ZFC3H1: variants seen among roughly 807,000 people sequenced by gnomAD.
ZFC3H1 encodes the protein zinc finger C3H1-type containing.
A neutral mutation model predicts 243.7 loss-of-function variants in ZFC3H1; 71 were observed. The ratio of observed to expected loss-of-function variants is 0.29; its 90% CI spans 0.24 to 0.36. ZFC3H1 has a LOEUF of 0.36. ZFC3H1 is among the 10% of genes least tolerant of loss of function. ZFC3H1 has a pLI of 1.00. For missense variants in ZFC3H1, 1,966 were observed against 2,317.1 expected (o/e 0.85, Z 3.11); for synonymous variants, 838 against 813.0 (o/e 1.03, Z -0.52).
At position 71,644,970 on chromosome 12, in the gene ZFC3H1, C is replaced by T. The variant is rs1880692229; in HGVS notation, c.1186G>A (p.Glu396Lys). The change falls in exon 4 of 35, where the codon GAA becomes AAA. Residue 396 changes from glutamate (E) to lysine (K), a missense_variant. Coordinates refer to ENST00000378743, the MANE Select transcript of ZFC3H1 (RefSeq NM_144982.5). ...GTCTTAGTCAACTTTTCTTTGCTTT[C>T]TTTCATCACCTGCTGTTCTTTTTGT... ...WQQKEQQVMK[E>K]SKEKLTKTKT... The T allele has an allele frequency of 6.2e-7, 1 of 1,613,334 alleles. No homozygotes were observed. The highest frequency in any genetic ancestry group is 1.1e-5 in the South Asian group (1 of 91,058).
At position 71,611,776 on chromosome 12, in the gene ZFC3H1, G is replaced by A; in HGVS notation, c.5729+10C>T. ...TAGCTATAAAAACATGTACATGATT[G>A]TTGCATTACATTTTCCAGGTGGCCA... On this transcript the variant is annotated intron_variant, in intron 32 of 34. Coordinates refer to ENST00000378743, the MANE Select transcript of ZFC3H1 (RefSeq NM_144982.5). The A allele has an allele frequency of 6.3e-7, 1 of 1,587,282 alleles. No homozygotes were observed. Among genetic ancestry groups the A allele is most frequent in the Non-Finnish European group, 8.6e-7 (1 of 1,160,406 alleles).
chr12:71,615,196 G>C lies in ZFC3H1; in HGVS notation c.5255+10C>G. ...TAGTATGCAATATCTCTCCACAGTG[G>C]ATGTCTCACCAGTAAATCAGCCACA... On this transcript the variant is annotated intron_variant, in intron 28 of 34. Transcript: ENST00000378743. 6.3e-7 allele frequency: 1 copy of C among 1,583,606 alleles called. No homozygotes were observed. The highest frequency in any genetic ancestry group is 8.7e-7 in the Non-Finnish European group (1 of 1,154,518).
At position 71,647,760 on chromosome 12, in the gene ZFC3H1, G is replaced by T; in HGVS notation, c.1069C>A (p.Leu357Met). ...AAGCAGTATCTTACCTTTTCAGACA[G>T]AATATCTGAGGTACTAATTCTTCTT... ...LTRRISTSDI[L>M]SEKKLGEDEE... Residue 357 changes from leucine to methionine, a missense_variant, in exon 3 of 35, where the codon CTG becomes ATG. By Grantham distance (15) the Leu-to-Met change is conservative. This residue lies in a region of ZFC3H1 where 484 missense variants were observed against 449.7 expected (regional missense o/e 1.08). Coordinates refer to ENST00000378743, the MANE Select transcript of ZFC3H1 (RefSeq NM_144982.5). The T allele has an allele frequency of 6.8e-7, 1 of 1,474,976 alleles. No homozygotes were observed. The highest frequency in any genetic ancestry group is 9.2e-7 in the Non-Finnish European group (1 of 1,083,106). The allele number at this position is 1,474,976 out of a possible 1,614,324, so 91.4% of individuals were successfully genotyped here.
At position 71,663,495 on chromosome 12, in the gene ZFC3H1, C is replaced by G. The variant is rs765142047; in HGVS notation, c.116G>C (p.Arg39Pro). 6.2e-7 allele frequency: 1 copy of G among 1,613,382 alleles called. No homozygotes were observed. Among genetic ancestry groups the G allele is most frequent in the South Asian group, 1.1e-5 (1 of 91,086 alleles). The change falls in exon 1 of 35, where the codon CGG becomes CCG. Residue 39 changes from arginine (R) to proline (P), a missense_variant. Transcript: ENST00000378743. The part of the protein sequence containing the change: ...DDDNNSQIRS[R>P]SSSSSSGGGL... ...GCCGCCGCTGCTGCTGCTGCTGCTC[C>G]GACTCCGTATCTGGCTGTTATTATC...
intron 24 of ZFC3H1, among the ~76,000 whole-genome samples, chr12:71,621,470 GTT>G (rs1880027288): frequency 6.6e-6 from 1 of 151,836 alleles, no homozygotes; most frequent in Admixed American, 6.6e-5. Context: ...TGCCCGACTA[GTT>G]TTTGTATTTT....
intron 2 of ZFC3H1, among the ~76,000 whole-genome samples, chr12:71,653,885 G>A (rs1469534691): frequency 1.1e-4 from 16 of 152,044 alleles, no homozygotes; most frequent in Non-Finnish European, 1.5e-5. Flanking sequence ...GCAATGGCAT[G>A]TACCATAGTC....
chr12:71,650,278 A>C (rs1880848321), intron 2 of ZFC3H1, among the ~76,000 whole-genome samples: 2 of 152,222 alleles, frequency 1.3e-5, no homozygotes, highest in Admixed American at 1.3e-4. Flanking sequence ...CGTCTCAAAA[A>C]AAAATTAATA....
intron 4 of ZFC3H1, 145 bp from the exon 5 acceptor site, chr12:71,644,463 G>A: frequency 1.2e-6 from 1 of 839,886 alleles, no homozygotes; most frequent in Admixed American, 3.0e-5. Context: ...TTAGGGCCCT[G>A]TAATTCCCCA....
intron 6 of ZFC3H1, 78 bp from the exon 7 acceptor site, chr12:71,638,593 A>G: frequency 8.3e-7 from 1 of 1,208,460 alleles, no homozygotes; most frequent in Non-Finnish European, 1.2e-6. Flanking sequence ...GTTATGTTTG[A>G]AGAAATACAT....
At chr12:71,629,184 T>C in intron 19 of ZFC3H1, 147 bp from the exon 20 acceptor site, 1 of 732,102 alleles carries the variant, frequency 1.4e-6, no homozygotes, top group East Asian at 3.1e-5. Context: ...GAGATGGAAG[T>C]CTCACTCTGT....
In ZFC3H1 at chr12:71,631,882, A is replaced by T. The variant is rs1880332209; in HGVS notation, c.3366T>A (p.Ile1122=). ...ITEKVLHGQE[I]SVDVDFVTAQ... is the part of the protein sequence containing the mutation. ...CTGTGACAAAATCCACATCTACAGA[A>T]ATCTCCTGCAAAAGAAAATAATAAT... The change falls in exon 16 of 35, where the codon ATT becomes ATA. Residue 1122 remains isoleucine (I), a synonymous_variant. Transcript: ENST00000378743. 1 of 1,609,330 alleles carries T rather than the reference A, an allele frequency of 6.2e-7. No homozygotes were observed. The highest frequency in any genetic ancestry group is 1.3e-5 in the African/African-American group (1 of 74,586).
chr12:71,659,016 T>TAA (rs1484140327), intron 1 of ZFC3H1, among the ~76,000 whole-genome samples: 2 of 152,170 alleles, frequency 1.3e-5, no homozygotes, highest in African/African-American at 4.8e-5. Flanking sequence ...TTGGCTTCCA[T>TAA]AACTCCGCAT....
rs762077157 is a variant in ZFC3H1 at position 71,636,808 on chromosome 12, A to G, written c.1935+42T>C. On this transcript the variant is annotated intron_variant, in intron 8 of 34. Transcript: ENST00000378743. ...AAAAAAGTAGGACTACCGTAAAGCT[A>G]AGCTCAAGAGCACCACCTAGAGGTT... 2.5e-6 allele frequency: 4 copies of G among 1,604,194 alleles called. No individual in the cohort carries two copies. The East Asian group carries it at 8.9e-5, about 36-fold the overall frequency.
At position 71,627,940 on chromosome 12, in the gene ZFC3H1, T is replaced by C. The variant is rs1435433930; in HGVS notation, c.3947-6A>G. On this transcript the variant is annotated splice_polypyrimidine_tract_variant and splice_region_variant and intron_variant, in intron 20 of 34. Transcript: ENST00000378743. ...TTGGTTCTCTGGCTGGAAAGCTATT[T>C]AAAAAAAAAGTATTATTAGCTTCAC... is the stretch of plus-strand genomic sequence containing the variant. 6.3e-7 allele frequency: 1 copy of C among 1,598,494 alleles called. No individual in the cohort carries two copies. The highest frequency in any genetic ancestry group is 8.5e-7 in the Non-Finnish European group (1 of 1,173,778).
chr12:71,661,594 G>C (rs1400028602), intron 1 of ZFC3H1, among the ~76,000 whole-genome samples: 1 of 147,792 alleles, frequency 6.8e-6, no homozygotes, highest in Non-Finnish European at 1.5e-5. Context: ...CGGTTCTCCT[G>C]CCTCAGCCTC....
chr12:71,663,205 G>A lies in ZFC3H1; in HGVS notation c.406C>T (p.Arg136Trp). ...ESSPRPSFWE[R>W]SHLALDRFRF... Reference sequence around the variant, plus strand: ...AAACGGTCCAAGGCGAGGTGGCTCCGCTCCCAGAAAGACGGCCGGGGACTG... The same window carrying A: ...AAACGGTCCAAGGCGAGGTGGCTCCACTCCCAGAAAGACGGCCGGGGACTG... The change falls in exon 1 of 35, where the codon CGG becomes TGG. Residue 136 changes from arginine to tryptophan, a missense_variant. Coordinates refer to ENST00000378743, the MANE Select transcript of ZFC3H1 (RefSeq NM_144982.5). The A allele has an allele frequency of 6.2e-7, 1 of 1,614,086 alleles. No individual in the cohort carries two copies. The highest frequency in any genetic ancestry group is 8.5e-7 in the Non-Finnish European group (1 of 1,180,034).
At position 71,635,377 on chromosome 12, in the gene ZFC3H1, G is replaced by GA. The variant is rs878949557; in HGVS notation, c.2238+65dup. 27 of 1,510,494 alleles carry GA rather than the reference G, an allele frequency of 1.8e-5. 1 individual carries two copies. In the South Asian group the frequency reaches 3.6e-4, roughly 20 times the overall value. The allele number at this position is 1,510,494 out of a possible 1,614,324, so 93.6% of individuals were successfully genotyped here. A position where few individuals can be genotyped will look rare whatever the true frequency, so the allele number is the denominator to read the frequency against. On this transcript the variant is annotated intron_variant, in intron 10 of 34. Transcript: ENST00000378743. Reference sequence around the variant, plus strand: ...TATAACTTTATGGTTTAATTTTCAGGAAAAAATAAACTTTACTGATCATCA... The same window carrying GA: ...TATAACTTTATGGTTTAATTTTCAGGAAAAAAATAAACTTTACTGATCATCA...
intron 21 of ZFC3H1, among the ~76,000 whole-genome samples, chr12:71,627,078 T>C (rs1880188109): frequency 6.6e-6 from 1 of 152,062 alleles, no homozygotes; most frequent in Non-Finnish European, 1.5e-5. Context: ...TCTGCAGCAC[T>C]GCCTTATTTA....
At chr12:71,635,757 T>C (rs1189512637) in intron 9 of ZFC3H1, among the ~76,000 whole-genome samples, 177 bp from the exon 10 acceptor site, 2 of 152,178 alleles carry the variant, frequency 1.3e-5, no homozygotes, top group African/African-American at 4.8e-5. Context: ...ACATAAAATG[T>C]TGTATATTCT....
Sources: gnomAD v4.1 joint callset for allele counts (sites outside exome capture counted in the v4.1 genomes callset) on GRCh38, gnomAD v4.1.1 for gene constraint, gnomAD v4.1.1 regional missense constraint, MANE v1.5 for transcripts, NCBI Gene and HGNC (gene_info 2026-07-23, HGNC 2026-07-21) for gene names.